AGBL1: variants seen among roughly 807,000 people sequenced by gnomAD.
The protein encoded by AGBL1 is AGBL carboxypeptidase 1, also known as cytosolic carboxypeptidase 4.
Under a neutral mutation model 118.9 loss-of-function variants are expected in AGBL1, and 130 were observed. The observed-to-expected ratio is 1.09, with a 90% CI of 0.95 to 1.26. The LOEUF (loss-of-function observed/expected upper bound fraction) is 1.26, where lower values mean the gene tolerates loss of function less well. Among genes scored for constraint, AGBL1 ranks in the 50% most tolerant of loss-of-function variants. AGBL1 has a pLI of 0.00. For missense variants in AGBL1, 1,584 were observed against 1,298.1 expected (o/e 1.22, Z -3.38); for synonymous variants, 555 against 478.9 (o/e 1.16, Z -2.08).
intron 21 of AGBL1, among the ~76,000 whole-genome samples, chr15:86,612,197 G>A (rs2084666756): frequency 6.6e-6 from 1 of 152,116 alleles, no homozygotes; most frequent in Non-Finnish European, 1.5e-5. Flanking sequence ...CCTTTGACCA[G>A]CAGCAGGATG....
chr15:86,670,083 T>C (rs1228309235), intron 21 of AGBL1, among the ~76,000 whole-genome samples: 2 of 152,204 alleles, frequency 1.3e-5, no homozygotes, highest in Non-Finnish European at 2.9e-5. Flanking sequence ...TGGTTTTATT[T>C]CCCTCAAATT....
chr15:86,209,684 C>G (rs1365605387), intron 5 of AGBL1, among the ~76,000 whole-genome samples: 1 of 151,988 alleles, frequency 6.6e-6, no homozygotes, highest in Non-Finnish European at 1.5e-5. Context: ...TTCTTCCATC[C>G]CTTTATTTTG....
At chr15:86,352,795 T>C (rs1306779309) in intron 17 of AGBL1, among the ~76,000 whole-genome samples, 1 of 152,122 alleles carries the variant, frequency 6.6e-6, no homozygotes. Flanking sequence ...CACTTTTTCT[T>C]TACTCTTTAG....
intron 6 of AGBL1, among the ~76,000 whole-genome samples, chr15:86,227,557 G>C (rs1165893874): frequency 1.3e-5 from 2 of 152,226 alleles, no homozygotes; most frequent in Non-Finnish European, 2.9e-5. Context: ...ATTATCTTCA[G>C]ACTCTGCCAA....
chr15:86,257,640 C>T (rs1023167349), intron 8 of AGBL1, among the ~76,000 whole-genome samples: 2 of 152,170 alleles, frequency 1.3e-5, no homozygotes, highest in Middle Eastern at 3.2e-3. Flanking sequence ...GATCTCTAAA[C>T]TTTGGCTACA....
rs114871701 is a variant in AGBL1, at chr15:86,717,229, G to A, written c.3158+42793G>A. ...GCTGAGAACAAGGAGAAGGAGTGGG[G>A]TAGCACTTCATAATGAAAAGTATTA... On this transcript the variant is annotated intron_variant, in intron 22 of 22. Transcript: ENST00000614907. Among the ~76,000 whole-genome samples the A allele has an allele frequency of 4.0e-3, 616 of 152,258 alleles. 3 individuals are homozygous for A. The highest frequency in any genetic ancestry group is 0.014 in the African/African-American group (579 of 41,550).
chr15:87,009,180 TG>T (rs1596736098), intron 24 of AGBL1, among the ~76,000 whole-genome samples: 1 of 151,746 alleles, frequency 6.6e-6, no homozygotes, highest in African/African-American at 2.4e-5. Flanking sequence ...GAGGAAAAAA[TG>T]GTTTCATGGG....
intron 21 of AGBL1, among the ~76,000 whole-genome samples, chr15:86,644,294 A>G (rs2085241389): frequency 6.6e-6 from 1 of 152,010 alleles, no homozygotes; most frequent in Admixed American, 6.6e-5. Context: ...GTACTTGGGG[A>G]GGCTGAGGCA....
chr15:86,283,448 G>A (rs946763012), intron 16 of AGBL1, among the ~76,000 whole-genome samples: 2 of 144,458 alleles, frequency 1.4e-5, no homozygotes, highest in Admixed American at 1.4e-4. Flanking sequence ...TGAAAGATGT[G>A]AATACTGTTA....
At chr15:86,888,465 C>T (rs1281367462) in intron 22 of AGBL1, among the ~76,000 whole-genome samples, 2 of 151,942 alleles carry the variant, frequency 1.3e-5, no homozygotes, top group African/African-American at 4.8e-5. Flanking sequence ...TTCACACTGT[C>T]GATTCTTTGC....
intron 17 of AGBL1, among the ~76,000 whole-genome samples, chr15:86,392,354 G>T (rs1350777043): frequency 6.6e-6 from 1 of 152,128 alleles, no homozygotes; most frequent in African/African-American, 2.4e-5. Context: ...GTCATTTACA[G>T]TTGTTTGCGT....
intron 22 of AGBL1, among the ~76,000 whole-genome samples, chr15:86,773,205 G>A (rs1006247835): frequency 5.3e-5 from 8 of 152,022 alleles, no homozygotes; most frequent in African/African-American, 9.7e-5. Context: ...TTTGAGAAAC[G>A]AACTATCCAG....
At chr15:86,316,475 C>G (rs1313406624) in intron 17 of AGBL1, among the ~76,000 whole-genome samples, 1 of 152,178 alleles carries the variant, frequency 6.6e-6, no homozygotes, top group Non-Finnish European at 1.5e-5. Context: ...GGCCCTGGCT[C>G]TCATGCCTGC....
chr15:86,700,466 A>AAT (rs1263917330), intron 22 of AGBL1, among the ~76,000 whole-genome samples: 3 of 84,766 alleles, frequency 3.5e-5, no homozygotes, highest in African/African-American at 5.4e-5. Flanking sequence ...TCAGCAGACT[A>AAT]ATACACACAC....
chr15:86,135,645 C>A (rs1285668548), intron 1 of AGBL1, among the ~76,000 whole-genome samples: 1 of 152,102 alleles, frequency 6.6e-6, no homozygotes, highest in Non-Finnish European at 1.5e-5. Flanking sequence ...TGTGAAAGAC[C>A]CCATGCTAGG....
chr15:86,988,633 G>T (rs193115082), intron 24 of AGBL1, among the ~76,000 whole-genome samples: 1 of 152,086 alleles, frequency 6.6e-6, no homozygotes, highest in Admixed American at 6.6e-5. Context: ...TCTGTTGTCA[G>T]ATTTATCTAA....
At chr15:86,394,386 T>A (rs945870938) in intron 17 of AGBL1, among the ~76,000 whole-genome samples, 1 of 152,150 alleles carries the variant, frequency 6.6e-6, no homozygotes, top group South Asian at 2.1e-4. Flanking sequence ...AAAACACACA[T>A]GTCAAATATC....
At chr15:86,721,858 G>A (rs908960574) in intron 22 of AGBL1, among the ~76,000 whole-genome samples, 13 of 152,040 alleles carry the variant, frequency 8.6e-5, no homozygotes, top group Admixed American at 6.6e-4. Flanking sequence ...CTTATACACC[G>A]ATAACAGATC....
intron 21 of AGBL1, among the ~76,000 whole-genome samples, chr15:86,646,639 T>G (rs2085283536): frequency 6.6e-6 from 1 of 152,156 alleles, no homozygotes; most frequent in African/African-American, 2.4e-5. Flanking sequence ...TGCCCCACTA[T>G]AAATAACTTT....
Sources: gnomAD v4.1 joint callset for allele counts (sites outside exome capture counted in the v4.1 genomes callset) on GRCh38, gnomAD v4.1.1 for gene constraint, MANE v1.5 for transcripts, NCBI Gene and HGNC (gene_info 2026-07-23, HGNC 2026-07-21) for gene names.